Variants in ADGRG2 observed in about 807,000 individuals in gnomAD.
ADGRG2 encodes the protein adhesion G protein-coupled receptor G2, also known as G protein-coupled receptor 64.
Under a neutral mutation model 74.1 loss-of-function variants are expected in ADGRG2, and 26 were observed. That is an observed-to-expected ratio of 0.35 (90% CI 0.26 to 0.49). The LOEUF (loss-of-function observed/expected upper bound fraction) is 0.49. Ranked by LOEUF, ADGRG2 falls within the 20% of genes least tolerant of loss-of-function variation. The pLI is 0.99. For missense variants in ADGRG2, 619 were observed against 763.1 expected, an observed-to-expected ratio of 0.81 and a Z score of 2.22; for synonymous variants, 296 against 295.2, an observed-to-expected ratio of 1.00 and a Z score of -0.03.
chrX:19,007,674 A>G (rs923925275), intron 19 of ADGRG2, among the ~76,000 whole-genome samples: 9 of 111,922 alleles, frequency 8.0e-5, no homozygotes, highest in African/African-American at 2.9e-4. Context: ...CTGCGCCTCC[A>G]TGGCTTCATC....
chrX:19,094,798 G>A (rs1237629881), intron 1 of ADGRG2, among the ~76,000 whole-genome samples: 2 of 112,905 alleles, frequency 1.8e-5, no homozygotes, highest in Admixed American at 1.9e-4. Context: ...GTGTACGGTA[G>A]GGTGGAGGGA....
In ADGRG2 at chrX:19,024,056, T is replaced by A. The variant is rs908570414; in HGVS notation, c.471-108A>T. On this transcript the variant is annotated intron_variant, in intron 11 of 28. Coordinates refer to ENST00000379869, the MANE Select transcript of ADGRG2 (RefSeq NM_001079858.3). ...TCAAGCACATGGTATACATTGCTTA[T>A]GGTGTTCACTTTGAAGAAATAGAGA... 1.1e-5 allele frequency: 6 copies of A among 534,570 alleles called. No individual in the cohort carries two copies. In the Admixed American group the frequency reaches 1.6e-4, roughly 14 times the overall value. 44.1% of individuals were successfully genotyped at this position (534,570 alleles called of 1,213,427 possible). A position where few individuals can be genotyped will look rare whatever the true frequency, so the allele number is the denominator to read the frequency against.
intron 15 of ADGRG2, among the ~76,000 whole-genome samples, chrX:19,018,213 T>C (rs533602048): frequency 9.0e-6 from 1 of 111,367 alleles, no homozygotes; most frequent in African/African-American, 3.3e-5. Context: ...CAGCCTTGAG[T>C]TCCTGGGCTC....
intron 3 of ADGRG2, among the ~76,000 whole-genome samples, chrX:19,043,116 C>A (rs2061104497): frequency 1.8e-5 from 2 of 111,835 alleles, no homozygotes; most frequent in Middle Eastern, 4.2e-3. Context: ...GGGAGGGAAT[C>A]TAGTAAATTA....
chrX:19,032,886 T>G (rs1474857244), intron 8 of ADGRG2: 1 of 111,969 alleles, frequency 8.9e-6, no homozygotes, highest in East Asian at 2.8e-4. Context: ...GTCTTGTGTG[T>G]GTAGTCTTGT....
chrX:19,034,315 A>G (rs767099389), intron 7 of ADGRG2: 1 of 111,966 alleles, frequency 8.9e-6, no homozygotes, highest in South Asian at 3.7e-4. Flanking sequence ...CGTTTTGGGG[A>G]CAGAGCCCAT....
At chrX:19,086,582 G>A (rs2061939119) in intron 1 of ADGRG2, among the ~76,000 whole-genome samples, 1 of 111,467 alleles carries the variant, frequency 9.0e-6, no homozygotes. Context: ...GTTCAGGGCC[G>A]CTCACAGGGA....
rs753694184 is a variant in ADGRG2 at position 18,990,950 on chromosome X, T to C, written c.2968A>G (p.Lys990Glu). The change falls in exon 29 of 29, where the codon AAG becomes GAG. Residue 990 changes from lysine to glutamate, a missense_variant. By Grantham distance (56) the Lys-to-Glu change is moderately conservative. This residue lies in a region of ADGRG2 where 106 missense variants were observed against 104.5 expected (regional missense o/e 1.01). Transcript: ENST00000379869. ...CCTTTCCCATTGCAGGAATCTTCCT[T>C]CTCGTTAAACATGTGCTGTTTTCCA... ...FTGKQHMFNE[K>E]EDSCNGKGRM... is the part of the protein sequence containing the mutation. 12 of 1,203,406 alleles carry C rather than the reference T, an allele frequency of 1.0e-5. No individual in the cohort carries two copies. The highest frequency in any genetic ancestry group is 8.9e-5 in the East Asian group (3 of 33,703).
intron 18 of ADGRG2, 80 bp downstream of exon 18, chrX:19,009,546 A>C: frequency 1.1e-6 from 1 of 886,338 alleles, no homozygotes; most frequent in Non-Finnish European, 1.7e-6. Context: ...ATAAGCAGTA[A>C]TTGCCTCAAT....
chrX:19,108,460 A>G (rs751532323), intron 1 of ADGRG2, among the ~76,000 whole-genome samples: 1 of 112,244 alleles, frequency 8.9e-6, no homozygotes, highest in Non-Finnish European at 1.9e-5. Context: ...TATGTTCACT[A>G]CAAGATAGGC....
chrX:19,082,923 C>T (rs1417097103), intron 1 of ADGRG2, among the ~76,000 whole-genome samples, 177 bp from the exon 2 acceptor site: 1 of 111,601 alleles, frequency 9.0e-6, no homozygotes, highest in Non-Finnish European at 1.9e-5. Flanking sequence ...GATGTAAACC[C>T]TGCTGCTGAG....
chrX:19,040,128 T>C, intron 4 of ADGRG2, 61 bp downstream of exon 4: 1 of 774,877 alleles, frequency 1.3e-6, no homozygotes, highest in Non-Finnish European at 2.0e-6. Flanking sequence ...CCATGTTTCA[T>C]AGAGAACTTA....
chrX:19,092,294 T>C (rs189627585), intron 1 of ADGRG2, among the ~76,000 whole-genome samples: 51 of 111,373 alleles, frequency 4.6e-4, no homozygotes, highest in African/African-American at 1.5e-3. Context: ...TCCAGCTTTT[T>C]CCCTCACATC....
intron 9 of ADGRG2, among the ~76,000 whole-genome samples, chrX:19,030,654 A>G (rs1418952237): frequency 8.9e-6 from 1 of 112,371 alleles, no homozygotes; most frequent in Non-Finnish European, 1.9e-5. Flanking sequence ...GTGACTTTCA[A>G]TAATTATTAA....
chrX:19,071,748 G>A (rs1434793855), intron 2 of ADGRG2, among the ~76,000 whole-genome samples: 1 of 110,354 alleles, frequency 9.1e-6, no homozygotes, highest in Non-Finnish European at 1.9e-5. Context: ...ATATATGTAT[G>A]CCATAAGTTT....
intron 1 of ADGRG2, among the ~76,000 whole-genome samples, chrX:19,118,615 C>A (rs911231173): frequency 8.9e-6 from 1 of 111,757 alleles, no homozygotes; most frequent in African/African-American, 3.2e-5. Flanking sequence ...TCTTGAACCC[C>A]TGGCCTCAAG....
chrX:19,065,261 CAAAAAAAAAAA>C (rs749063279), intron 3 of ADGRG2, among the ~76,000 whole-genome samples: 4 of 11,130 alleles, frequency 3.6e-4, no homozygotes, highest in African/African-American at 6.3e-4. Context: ...GATCCTGTCT[CAAAAAAAAAAA>C]AAAAAAAAAA....
chrX:19,085,557 G>C (rs1460902993), intron 1 of ADGRG2, among the ~76,000 whole-genome samples: 16 of 110,712 alleles, frequency 1.4e-4, no homozygotes, highest in East Asian at 1.1e-3. Flanking sequence ...TCAAACTCCT[G>C]GACTCAAGCA....
chrX:19,025,056 T>C (rs1450067645), intron 11 of ADGRG2, among the ~76,000 whole-genome samples: 1 of 112,126 alleles, frequency 8.9e-6, no homozygotes, highest in African/African-American at 3.2e-5. Context: ...ATTATAGTCA[T>C]GAGCCACCAT....
Sources: gnomAD v4.1 joint callset for allele counts (sites outside exome capture counted in the v4.1 genomes callset) on GRCh38, gnomAD v4.1.1 for gene constraint, gnomAD v4.1.1 regional missense constraint, MANE v1.5 for transcripts, NCBI Gene and HGNC (gene_info 2026-07-23, HGNC 2026-07-21) for gene names.